Variants in KIF5C observed in about 807,000 individuals in gnomAD.
KIF5C encodes the protein kinesin family member 5C, also known as kinesin heavy chain isoform 5C.
In KIF5C, 18 loss-of-function variants were observed where a neutral mutation model predicts 125.2. The ratio of observed to expected loss-of-function variants is 0.14; its 90% CI spans 0.10 to 0.21. The LOEUF is 0.21. Ranked by LOEUF, KIF5C falls within the 10% of genes least tolerant of loss-of-function variation. KIF5C has a pLI of 1.00. For synonymous variants in KIF5C, 405 were observed against 434.0 expected, an observed-to-expected ratio of 0.93 and a Z score of 0.83; for missense variants, 780 against 1,183.8, an observed-to-expected ratio of 0.66 and a Z score of 5.01.
intron 11 of KIF5C, among the ~76,000 whole-genome samples, chr2:148,963,702 C>T (rs1682982584): frequency 1.3e-5 from 2 of 152,098 alleles, no homozygotes; most frequent in Non-Finnish European, 2.9e-5. Flanking sequence ...CAGGTCAGTT[C>T]TCTGTTGGGT....
chr2:148,888,121 G>A (rs1190385497), intron 1 of KIF5C, among the ~76,000 whole-genome samples: 1 of 152,198 alleles, frequency 6.6e-6, no homozygotes, highest in Non-Finnish European at 1.5e-5. Context: ...CTGAGAGGTG[G>A]CATGCTGCCT....
chr2:148,924,002 A>G lies in KIF5C; in HGVS notation c.217+1775A>G, dbSNP rs1681893030. The stretch of plus-strand genomic sequence containing the variant: ...TCTAGCAGAATAAAATCAGGCGCTG[A>G]CATGATATGACTAACAGACATTTCT... On this transcript the variant is annotated intron_variant, in intron 2 of 25. Transcript: ENST00000435030. This position sits in a 1 kb window ranked among gnomAD's most constrained non-coding sequence, Gnocchi z 4.0. 6.6e-6 allele frequency among the ~76,000 whole-genome samples: 1 copy of G among 152,222 alleles called. No homozygotes were observed. The highest frequency in any genetic ancestry group is 1.5e-5 in the Non-Finnish European group (1 of 68,028).
chr2:148,946,434 G>C (rs1351966090), intron 7 of KIF5C, among the ~76,000 whole-genome samples: 1 of 152,124 alleles, frequency 6.6e-6, no homozygotes, highest in Non-Finnish European at 1.5e-5. Flanking sequence ...TCCTTCCTTA[G>C]GAAAGTCTTA....
intron 17 of KIF5C, among the ~76,000 whole-genome samples, chr2:148,996,776 C>T (rs1435195501): frequency 6.6e-6 from 1 of 152,186 alleles, no homozygotes; most frequent in Admixed American, 6.5e-5. Context: ...TGTTTTCCTG[C>T]CCCAGATTCT....
chr2:148,909,302 G>A (rs1191969568), intron 1 of KIF5C, among the ~76,000 whole-genome samples: 1 of 152,190 alleles, frequency 6.6e-6, no homozygotes, highest in African/African-American at 2.4e-5. Context: ...GTGCCCTGCC[G>A]CTGCTCTTCC....
At chr2:149,018,894 G>T (rs928993635) in intron 25 of KIF5C, among the ~76,000 whole-genome samples, 5 of 151,964 alleles carry the variant, frequency 3.3e-5, no homozygotes, top group Middle Eastern at 3.2e-3. Flanking sequence ...TATATTTATT[G>T]ATATGTATCA....
chr2:148,997,556 G>C, intron 18 of KIF5C: 1 of 801,362 alleles, frequency 1.2e-6, no homozygotes. Flanking sequence ...GAATGGTTAA[G>C]TTGCGTTAAT....
chr2:148,962,311 G>A lies in KIF5C; in HGVS notation c.1117+192G>A, dbSNP rs11894938. Among the ~76,000 whole-genome samples the A allele has an allele frequency of 0.021, 3,106 of 151,388 alleles. 96 individuals are homozygous for A. Among genetic ancestry groups the A allele is most frequent in the African/African-American group, 0.065 (2,673 of 41,224 alleles). On this transcript the variant is annotated intron_variant, in intron 11 of 25. Coordinates refer to ENST00000435030, the MANE Select transcript of KIF5C (RefSeq NM_004522.3). Reference sequence around the variant, plus strand: ...CTCCCGAGTAGCTGGGATTACAGGCGTGCACCACCACACCTGGCTAATTTT... The same window carrying A: ...CTCCCGAGTAGCTGGGATTACAGGCATGCACCACCACACCTGGCTAATTTT...
Position 149,010,343 on chromosome 2 carries a change from C to A in KIF5C, c.2759C>A (p.Ala920Asp). The A allele has an allele frequency of 3.8e-6, 6 of 1,580,122 alleles. No individual in the cohort carries two copies. Among genetic ancestry groups the A allele is most frequent in the Non-Finnish European group, 4.3e-6 (5 of 1,163,890 alleles). ...AKNMARRAHS[A>D]QIAKPIRPGH... is the part of the protein sequence containing the mutation. ...AACATGGCCAGAAGGGCCCATTCAGCCCAGATCGGTACGTGCGTGCACAGT... is the reference window on the plus strand; with the variant it reads ...AACATGGCCAGAAGGGCCCATTCAGACCAGATCGGTACGTGCGTGCACAGT... The change falls in exon 24 of 26, where the codon GCC (alanine) becomes GAC (aspartate). Residue 920 changes from alanine (A) to aspartate (D), a missense_variant. By Grantham distance (126) the Ala-to-Asp change is moderately radical. This residue lies in a region of KIF5C where 573 missense variants were observed against 742.6 expected (regional missense o/e 0.77). Transcript: ENST00000435030.
At chr2:148,889,843 G>C (rs879881892) in intron 1 of KIF5C, among the ~76,000 whole-genome samples, 2 of 152,168 alleles carry the variant, frequency 1.3e-5, no homozygotes, top group Non-Finnish European at 2.9e-5. Flanking sequence ...CCAGGGGCTG[G>C]GACAGGAGAA....
intron 1 of KIF5C, among the ~76,000 whole-genome samples, chr2:148,901,474 A>G (rs1267277661): frequency 1.3e-5 from 2 of 152,164 alleles, no homozygotes; most frequent in African/African-American, 4.8e-5. Flanking sequence ...TTTATACTTT[A>G]TACCTTTAAA....
chr2:148,875,871 G>T, intron 1 of KIF5C, 128 bp downstream of exon 1: 1 of 1,274,538 alleles, frequency 7.8e-7, no homozygotes, highest in Non-Finnish European at 1.0e-6. Flanking sequence ...CTCTCGGGTG[G>T]ACCTGACCAG....
intron 1 of KIF5C, among the ~76,000 whole-genome samples, chr2:148,906,893 A>C (rs983417775): frequency 6.6e-6 from 1 of 151,962 alleles, no homozygotes; most frequent in Admixed American, 6.5e-5. Context: ...TAATTAATTA[A>C]ATTAAAATTA....
At chr2:148,947,794 A>G (rs975589467) in intron 8 of KIF5C, 23 of 433,488 alleles carry the variant, frequency 5.3e-5, no homozygotes, top group South Asian at 3.2e-4. Flanking sequence ...GAGCAAGGCC[A>G]TGTGCACAAT....
At chr2:148,894,138 A>G (rs931401436) in intron 1 of KIF5C, among the ~76,000 whole-genome samples, 5 of 152,236 alleles carry the variant, frequency 3.3e-5, no homozygotes, top group Non-Finnish European at 5.9e-5. Flanking sequence ...CAGTGGTTTC[A>G]TAGTAGTTTG....
At chr2:149,002,566 C>T (rs934609635) in intron 21 of KIF5C, among the ~76,000 whole-genome samples, 1 of 152,212 alleles carries the variant, frequency 6.6e-6, no homozygotes, top group Non-Finnish European at 1.5e-5. Context: ...ATCGTCCACA[C>T]TTTCTCACTC....
In KIF5C at chr2:149,011,521, A is replaced by G. The variant is rs866958096; in HGVS notation, c.2768-49A>G. 71 of 1,608,338 alleles carry G rather than the reference A, an allele frequency of 4.4e-5. 2 individuals are homozygous for G. The Middle Eastern group carries it at 6.1e-3, about 138-fold the overall frequency. On this transcript the variant is annotated intron_variant, in intron 24 of 25. Coordinates refer to ENST00000435030, the MANE Select transcript of KIF5C (RefSeq NM_004522.3). Reference sequence around the variant, plus strand: ...CCTGTAGATATCAGGGTTGCTGTTAAGACTTTTCTAAATGTCTGTTCTCTC... The same window carrying G: ...CCTGTAGATATCAGGGTTGCTGTTAGGACTTTTCTAAATGTCTGTTCTCTC...
At chr2:148,963,088 T>C (rs1021552308) in intron 11 of KIF5C, among the ~76,000 whole-genome samples, 3 of 152,132 alleles carry the variant, frequency 2.0e-5, no homozygotes, top group African/African-American at 7.2e-5. Context: ...TAAGAGGGGT[T>C]TCCAGATCTA....
chr2:148,949,342 G>A (rs1175589835), intron 8 of KIF5C, among the ~76,000 whole-genome samples: 2 of 152,142 alleles, frequency 1.3e-5, no homozygotes, highest in African/African-American at 2.4e-5. Context: ...AATAAGTAGG[G>A]AAGGAACGGA....
Sources: allele counts gnomAD v4.1 joint callset (sites outside exome capture counted in the v4.1 genomes callset), GRCh38; gene constraint gnomAD v4.1.1; regional missense constraint gnomAD v4.1.1; non-coding constraint Gnocchi (gnomAD v3.1); transcripts MANE v1.5; gene names NCBI Gene and HGNC (gene_info 2026-07-23, HGNC 2026-07-21).